The following SCFD2 variants were observed in gnomAD, a reference collection of about 807,000 sequenced individuals.
The protein encoded by SCFD2 is sec1 family domain-containing protein 2.
In SCFD2, 54 loss-of-function variants were observed where a neutral mutation model predicts 58.9. The observed-to-expected ratio is 0.92, with a 90% CI of 0.74 to 1.15. SCFD2 has a LOEUF of 1.15. SCFD2 is among the 50% of genes most tolerant of loss of function. The pLI is 0.00. For missense variants in SCFD2, 805 were observed against 836.6 expected (o/e 0.96, Z 0.47); for synonymous variants, 321 against 335.9 (o/e 0.96, Z 0.49).
intron 7 of SCFD2, among the ~76,000 whole-genome samples, chr4:52,901,638 T>C (rs1214655496): frequency 6.6e-6 from 1 of 152,094 alleles, no homozygotes; most frequent in Non-Finnish European, 1.5e-5. Context: ...CTAACCAGAG[T>C]GCAGATTCAT....
intron 5 of SCFD2, among the ~76,000 whole-genome samples, chr4:53,045,737 G>A (rs1426821709): frequency 6.6e-6 from 1 of 152,066 alleles, no homozygotes; most frequent in African/African-American, 2.4e-5. Flanking sequence ...CTTATTTGAT[G>A]ACTGAATGAA....
intron 3 of SCFD2, among the ~76,000 whole-genome samples, chr4:53,299,811 G>T (rs2149096452): frequency 6.6e-6 from 1 of 152,236 alleles, no homozygotes; most frequent in East Asian, 1.9e-4. Context: ...TTAAAGAAAA[G>T]AATTTTCAAC....
chr4:52,947,509 T>C (rs1029171059), intron 5 of SCFD2, among the ~76,000 whole-genome samples: 1 of 152,148 alleles, frequency 6.6e-6, no homozygotes, highest in Non-Finnish European at 1.5e-5. Flanking sequence ...CATGAAAAAT[T>C]TGAAGAAGAA....
chr4:52,987,177 G>A (rs528884506), intron 5 of SCFD2, among the ~76,000 whole-genome samples: 2 of 152,032 alleles, frequency 1.3e-5, no homozygotes, highest in East Asian at 2.0e-4. Context: ...TACAGGTGCC[G>A]GCCACTGCGC....
At chr4:53,250,244 GAACT>G (rs543004608) in intron 4 of SCFD2, among the ~76,000 whole-genome samples, 385 of 152,258 alleles carry the variant, frequency 2.5e-3, no homozygotes, top group African/African-American at 8.5e-3. Flanking sequence ...GCAACAAGAA[GAACT>G]AACTATCCTA....
intron 5 of SCFD2, among the ~76,000 whole-genome samples, chr4:52,928,177 A>T (rs1462299053): frequency 7.9e-5 from 12 of 152,062 alleles, no homozygotes. Flanking sequence ...TCTACAAAAA[A>T]ATTTAAAAAA....
intron 5 of SCFD2, among the ~76,000 whole-genome samples, chr4:53,030,261 A>G (rs1251783216): frequency 6.6e-6 from 1 of 152,172 alleles, no homozygotes; most frequent in African/African-American, 2.4e-5. Context: ...GAAAATAAAA[A>G]CCACAATGAG....
chr4:53,253,240 C>T (rs1351053203), intron 4 of SCFD2, among the ~76,000 whole-genome samples: 1 of 152,164 alleles, frequency 6.6e-6, no homozygotes, highest in African/African-American at 2.4e-5. Context: ...CAGGAAACAA[C>T]AGGTGCTGGA....
chr4:53,297,567 C>T (rs933397637), intron 3 of SCFD2, among the ~76,000 whole-genome samples: 3 of 151,960 alleles, frequency 2.0e-5, no homozygotes, highest in Non-Finnish European at 4.4e-5. Context: ...TGAGATGGGT[C>T]TCCGGAATAC....
At chr4:53,054,297 CAT>C (rs1723263665) in intron 5 of SCFD2, among the ~76,000 whole-genome samples, 1 of 152,128 alleles carries the variant, frequency 6.6e-6, no homozygotes, top group South Asian at 2.1e-4. Context: ...GTGTATTTTT[CAT>C]ATGTCTTATA....
chr4:53,024,704 C>CTTT lies in SCFD2; in HGVS notation c.1562-103837_1562-103835dup, dbSNP rs374465004. 5.1e-4 allele frequency among the ~76,000 whole-genome samples: 72 copies of CTTT among 142,052 alleles called. 1 individual carries two copies. Among genetic ancestry groups the CTTT allele is most frequent in the South Asian group, 2.0e-3 (9 of 4,484 alleles). 93.2% of individuals were successfully genotyped at this position (142,052 alleles called of 152,430 possible). Reference sequence around the variant, plus strand: ...ATTGAAAGGTGTTTATGTCTCAGGCCTTTTTTTTTTTTTGCCTTCAGCCAC... The same window carrying CTTT: ...ATTGAAAGGTGTTTATGTCTCAGGCCTTTTTTTTTTTTTTTTGCCTTCAGCCAC... On this transcript the variant is annotated intron_variant, in intron 5 of 8. Transcript: ENST00000401642.
chr4:53,046,338 C>T (rs1157723112), intron 5 of SCFD2, among the ~76,000 whole-genome samples: 3 of 152,110 alleles, frequency 2.0e-5, no homozygotes, highest in Non-Finnish European at 4.4e-5. Context: ...TTCAGCCCCC[C>T]AGGTAGCTGG....
intron 4 of SCFD2, among the ~76,000 whole-genome samples, chr4:53,207,502 T>TAAATATATATAA (rs1314421989): frequency 2.6e-5 from 1 of 39,122 alleles, no homozygotes; most frequent in African/African-American, 1.3e-4. Flanking sequence ...TTCATATATA[T>TAAATATATATAA]ATATTATATA....
chr4:52,922,191 T>C (rs1207829519), intron 5 of SCFD2, among the ~76,000 whole-genome samples: 2 of 152,194 alleles, frequency 1.3e-5, no homozygotes, highest in African/African-American at 4.8e-5. Context: ...AACGGCTTTG[T>C]TGAGATATAA....
chr4:53,046,279 G>A (rs535907478), intron 5 of SCFD2, among the ~76,000 whole-genome samples: 1 of 152,206 alleles, frequency 6.6e-6, no homozygotes, highest in South Asian at 2.1e-4. Flanking sequence ...ACAGTGCAGT[G>A]GTGTGAACAC....
intron 4 of SCFD2, among the ~76,000 whole-genome samples, chr4:53,248,645 A>AC: frequency 6.6e-6 from 1 of 151,960 alleles, no homozygotes; most frequent in African/African-American, 2.4e-5. Flanking sequence ...AGTGGGAGAC[A>AC]CCCCCCAGTA....
chr4:52,965,566 T>C (rs1307002648), intron 5 of SCFD2, among the ~76,000 whole-genome samples: 1 of 152,242 alleles, frequency 6.6e-6, no homozygotes, highest in Non-Finnish European at 1.5e-5. Flanking sequence ...GATGCCAATA[T>C]TGCTGACATT....
intron 5 of SCFD2, among the ~76,000 whole-genome samples, chr4:53,024,053 C>T (rs917539726): frequency 1.3e-5 from 2 of 152,168 alleles, no homozygotes; most frequent in African/African-American, 4.8e-5. Context: ...CAGCAGCAGC[C>T]TTATTCTTGG....
intron 8 of SCFD2, among the ~76,000 whole-genome samples, chr4:52,877,141 AGTGTGCTGGGCTTCCAGCCATG>A (rs1718493426): frequency 6.6e-6 from 1 of 152,214 alleles, no homozygotes; most frequent in South Asian, 2.1e-4. Flanking sequence ...ACTCTCGGGT[AGTGTGCTGGGCTTCCAGCCATG>A]GTTGACAGAG....
Sources: gnomAD v4.1 joint callset for allele counts (sites outside exome capture counted in the v4.1 genomes callset) on GRCh38, gnomAD v4.1.1 for gene constraint, MANE v1.5 for transcripts, NCBI Gene and HGNC (gene_info 2026-07-23, HGNC 2026-07-21) for gene names.